Variants in ADGRL3 observed in about 807,000 individuals in gnomAD.
ADGRL3 encodes calcium-independent alpha-latrotoxin receptor 3.
A neutral mutation model predicts 153.5 loss-of-function variants in ADGRL3; 62 were observed. The observed-to-expected ratio is 0.40, with a 90% CI of 0.33 to 0.50. The LOEUF (loss-of-function observed/expected upper bound fraction) is 0.50, where lower values mean the gene tolerates loss of function less well. Among genes scored for constraint, ADGRL3 ranks in the 20% least tolerant of loss-of-function variants. The pLI is 0.47. For synonymous variants in ADGRL3, 710 were observed against 672.5 expected (o/e 1.06, Z -0.86); for missense variants, 1,641 against 1,859.4 (o/e 0.88, Z 2.16).
intron 1 of ADGRL3, among the ~76,000 whole-genome samples, chr4:61,365,942 A>G (rs1320159027): frequency 4.6e-5 from 7 of 152,202 alleles, no homozygotes; most frequent in Admixed American, 3.9e-4. Context: ...TAGAAAAGCT[A>G]TAATCTTAAT....
At chr4:62,002,425 A>G (rs905023470) in intron 21 of ADGRL3, among the ~76,000 whole-genome samples, 18 of 151,318 alleles carry the variant, frequency 1.2e-4, no homozygotes, top group Non-Finnish European at 2.7e-4. Context: ...TAATTAAATT[A>G]TTATTTTATT....
intron 2 of ADGRL3, among the ~76,000 whole-genome samples, chr4:61,434,462 T>C (rs1258018195): frequency 6.6e-6 from 1 of 152,086 alleles, no homozygotes; most frequent in African/African-American, 2.4e-5. Flanking sequence ...AAACATATGG[T>C]ATTTGACTAT....
At chr4:61,345,531 ACT>A (rs1304061142) in intron 1 of ADGRL3, among the ~76,000 whole-genome samples, 36 of 152,198 alleles carry the variant, frequency 2.4e-4, no homozygotes, top group East Asian at 1.9e-4. Flanking sequence ...ACTCATGTTA[ACT>A]TAATAGCAAA....
chr4:61,474,114 T>C (rs1171485380), intron 2 of ADGRL3, among the ~76,000 whole-genome samples: 2 of 152,160 alleles, frequency 1.3e-5, no homozygotes, highest in African/African-American at 4.8e-5. Context: ...CTTGAGCTTC[T>C]ACTTTTGCAA....
At chr4:61,212,802 C>T (rs1279797073) in intron 1 of ADGRL3, among the ~76,000 whole-genome samples, 8 of 152,036 alleles carry the variant, frequency 5.3e-5, no homozygotes, top group African/African-American at 1.9e-4. Context: ...ATTGCAAATC[C>T]TCAAAGAAGA....
intron 8 of ADGRL3, among the ~76,000 whole-genome samples, chr4:61,801,491 G>A (rs1018574532): frequency 6.6e-6 from 1 of 152,086 alleles, no homozygotes; most frequent in Non-Finnish European, 1.5e-5. Flanking sequence ...TGTCAAGGAG[G>A]TAAAGTGTTC....
At chr4:61,245,961 T>C (rs1417454001) in intron 1 of ADGRL3, among the ~76,000 whole-genome samples, 1 of 152,080 alleles carries the variant, frequency 6.6e-6, no homozygotes, top group Non-Finnish European at 1.5e-5. Context: ...TTCTGTGATA[T>C]CTGTGAGTCC....
chr4:61,472,627 T>A lies in ADGRL3; in HGVS notation c.-173-24494T>A, dbSNP rs1311973237. Among the ~76,000 whole-genome samples the A allele has an allele frequency of 2.0e-5, 3 of 152,004 alleles. No homozygotes were observed. In the East Asian group the frequency reaches 5.8e-4, roughly 29 times the overall value. On this transcript the variant is annotated intron_variant, in intron 2 of 26. Coordinates refer to ENST00000683033, the MANE Select transcript of ADGRL3 (RefSeq NM_001387552.1). ...TTAGAAATTAGTAAGTTCTGCTCAG[T>A]CTGAAGAGGAATAGAATGCAATCAT... is the stretch of plus-strand genomic sequence containing the variant.
chr4:62,002,014 T>A (rs1371206525), intron 21 of ADGRL3, among the ~76,000 whole-genome samples: 1 of 152,032 alleles, frequency 6.6e-6, no homozygotes, highest in East Asian at 1.9e-4. Flanking sequence ...CTAAAATGTG[T>A]TTGCTTCTCA....
intron 5 of ADGRL3, among the ~76,000 whole-genome samples, chr4:61,646,769 G>A (rs887608503): frequency 1.3e-5 from 2 of 152,180 alleles, no homozygotes; most frequent in Admixed American, 6.5e-5. Flanking sequence ...AGCCTACAGA[G>A]GCAGGCAGGC....
chr4:61,520,346 A>G (rs1239058970), intron 4 of ADGRL3, among the ~76,000 whole-genome samples: 1 of 152,120 alleles, frequency 6.6e-6, no homozygotes, highest in Non-Finnish European at 1.5e-5. Flanking sequence ...AAAAAAGTTC[A>G]TTGAGAAGAT....
intron 6 of ADGRL3, among the ~76,000 whole-genome samples, chr4:61,726,873 A>C (rs1239883412): frequency 6.6e-6 from 1 of 152,198 alleles, no homozygotes; most frequent in Non-Finnish European, 1.5e-5. Flanking sequence ...CATTGTAAAT[A>C]GAAAATGTGT....
At chr4:61,276,033 CAGAA>C (rs1367951364) in intron 1 of ADGRL3, among the ~76,000 whole-genome samples, 1 of 152,118 alleles carries the variant, frequency 6.6e-6, no homozygotes, top group Non-Finnish European at 1.5e-5. Context: ...AGGCCCAAAA[CAGAA>C]AGACGGGAGA....
chr4:61,606,833 T>C (rs2099034320), intron 5 of ADGRL3, among the ~76,000 whole-genome samples: 2 of 152,084 alleles, frequency 1.3e-5, no homozygotes, highest in Non-Finnish European at 2.9e-5. Flanking sequence ...AATGGGGGTA[T>C]GAGGACCAAT....
intron 5 of ADGRL3, among the ~76,000 whole-genome samples, chr4:61,657,300 A>G (rs1473955329): frequency 6.6e-6 from 1 of 152,134 alleles, no homozygotes; most frequent in Non-Finnish European, 1.5e-5. Flanking sequence ...TCATGCCTAA[A>G]GGGACTGTCA....
intron 4 of ADGRL3, among the ~76,000 whole-genome samples, chr4:61,558,173 C>CATATATACAT (rs2098776793): frequency 5.6e-4 from 72 of 129,032 alleles, no homozygotes; most frequent in African/African-American, 2.1e-3. Flanking sequence ...ATGTAGGAAT[C>CATATATACAT]ATATATATAT....
chr4:61,804,945 ATTTATT>A (rs1363700491), intron 8 of ADGRL3, among the ~76,000 whole-genome samples: 5 of 145,044 alleles, frequency 3.4e-5, no homozygotes, highest in Admixed American at 6.9e-5. Flanking sequence ...TTATTTATTT[ATTTATT>A]TTTATTTATT....
At chr4:61,887,523 G>A (rs1451498253) in intron 9 of ADGRL3, among the ~76,000 whole-genome samples, 1 of 151,850 alleles carries the variant, frequency 6.6e-6, no homozygotes, top group Admixed American at 6.6e-5. Flanking sequence ...TTTTTGGTCT[G>A]AATTAAATGA....
rs572719499 is a variant in ADGRL3, at chr4:61,838,169, T to A, written c.1480+24280T>A. Among the ~76,000 whole-genome samples the A allele has an allele frequency of 2.8e-4, 42 of 152,288 alleles. No individual in the cohort carries two copies. In the South Asian group the frequency reaches 8.3e-3, roughly 30 times the overall value. On this transcript the variant is annotated intron_variant, in intron 9 of 26. Transcript: ENST00000683033. ...ACCTCATGGTGCTATTTAGTAGTAA[T>A]TATACTTGCTGGATTCCATCATAAG...
Sources: gnomAD v4.1 joint callset for allele counts (sites outside exome capture counted in the v4.1 genomes callset) on GRCh38, gnomAD v4.1.1 for gene constraint, MANE v1.5 for transcripts, NCBI Gene and HGNC (gene_info 2026-07-23, HGNC 2026-07-21) for gene names.